Variants in EIF3H observed in about 807,000 individuals in gnomAD.
EIF3H encodes eukaryotic translation initiation factor 3 subunit H.
A neutral mutation model predicts 44.2 loss-of-function variants in EIF3H; 26 were observed. That is an observed-to-expected ratio of 0.59 (90% CI 0.43 to 0.82). The LOEUF (loss-of-function observed/expected upper bound fraction) is 0.82, where lower values mean the gene tolerates loss of function less well. EIF3H is among the 40% of genes least tolerant of loss of function. EIF3H has a pLI of 0.00. For missense variants in EIF3H, 359 were observed against 432.8 expected, an observed-to-expected ratio of 0.83 and a Z score of 1.51; for synonymous variants, 166 against 151.9, an observed-to-expected ratio of 1.09 and a Z score of -0.68.
At chr8:116,689,967 C>T (rs1814145577) in intron 2 of EIF3H, among the ~76,000 whole-genome samples, 1 of 152,120 alleles carries the variant, frequency 6.6e-6, no homozygotes, top group South Asian at 2.1e-4. Flanking sequence ...ATATCTACCC[C>T]TCCCATATAT....
intron 2 of EIF3H, among the ~76,000 whole-genome samples, chr8:116,697,686 G>C (rs902972534): frequency 3.3e-5 from 5 of 151,942 alleles, no homozygotes; most frequent in Admixed American, 6.5e-5. Flanking sequence ...CTTCCCTGAG[G>C]GCCTAAACTT....
Position 116,646,735 on chromosome 8 carries a change from T to C in EIF3H, c.829-132A>G, listed in dbSNP as rs961989180. 3.1e-6 allele frequency: 4 copies of C among 1,270,058 alleles called. No individual in the cohort carries two copies. In the African/African-American group the frequency reaches 6.0e-5, roughly 19 times the overall value. 78.7% of individuals were successfully genotyped at this position (1,270,058 alleles called of 1,614,324 possible). On this transcript the variant is annotated intron_variant, in intron 6 of 7. Transcript: ENST00000521861. Reference sequence around the variant, plus strand: ...ACCTCAGTTTTTATCATTGGCAACATTTGGTAACTTGCGTCTAAGAAGCTA... The same window carrying C: ...ACCTCAGTTTTTATCATTGGCAACACTTGGTAACTTGCGTCTAAGAAGCTA...
intron 1 of EIF3H, among the ~76,000 whole-genome samples, chr8:116,740,198 A>C (rs897439430): frequency 7.9e-5 from 12 of 152,184 alleles, no homozygotes; most frequent in Admixed American, 7.9e-4. Context: ...CCAACTCCCA[A>C]AACTGAGCAT....
At chr8:116,713,931 T>C (rs1479084948) in intron 2 of EIF3H, among the ~76,000 whole-genome samples, 1 of 152,092 alleles carries the variant, frequency 6.6e-6, no homozygotes, top group Non-Finnish European at 1.5e-5. Flanking sequence ...CAAGTATCTA[T>C]TAAGTATTTT....
At chr8:116,741,684 G>A (rs369100629) in intron 1 of EIF3H, among the ~76,000 whole-genome samples, 20 of 152,302 alleles carry the variant, frequency 1.3e-4, no homozygotes, top group Admixed American at 6.5e-4. Context: ...ATCAATCACC[G>A]TCAAAGAACA....
intron 1 of EIF3H, among the ~76,000 whole-genome samples, chr8:116,741,122 T>A (rs1419781203): frequency 1.3e-5 from 2 of 152,160 alleles, no homozygotes; most frequent in African/African-American, 4.8e-5. Flanking sequence ...TTTAGAATTG[T>A]CATATTTCAC....
intron 1 of EIF3H, among the ~76,000 whole-genome samples, chr8:116,765,179 G>T (rs545645833): frequency 1.3e-5 from 2 of 152,280 alleles, no homozygotes; most frequent in Admixed American, 1.3e-4. Context: ...GATTCAAATT[G>T]AAAAGTACTG....
chr8:116,663,923 T>A (rs1213576591), intron 2 of EIF3H, among the ~76,000 whole-genome samples: 1 of 119,398 alleles, frequency 8.4e-6, no homozygotes, highest in Non-Finnish European at 1.6e-5. Context: ...AGAGCGAGAC[T>A]CAGTCTCAAA....
chr8:116,718,538 C>G (rs1814690446), intron 2 of EIF3H, among the ~76,000 whole-genome samples: 1 of 151,952 alleles, frequency 6.6e-6, no homozygotes, highest in Admixed American at 6.6e-5. Context: ...GAATATTATT[C>G]AGCCATAAAA....
chr8:116,675,484 C>A lies in EIF3H; in HGVS notation c.290-16504G>T, dbSNP rs149846478. 2.0e-5 allele frequency among the ~76,000 whole-genome samples: 3 copies of A among 152,326 alleles called. No homozygotes were observed. The East Asian group carries it at 5.8e-4, about 29-fold the overall frequency. Reference sequence around the variant, plus strand: ...CTATCCTCTATATGCCAGTAATGAGCGCACACACACCTCTTCCCAAGTTGT... The same window carrying A: ...CTATCCTCTATATGCCAGTAATGAGAGCACACACACCTCTTCCCAAGTTGT... On this transcript the variant is annotated intron_variant, in intron 2 of 7. Coordinates refer to ENST00000521861, the MANE Select transcript of EIF3H (RefSeq NM_003756.3).
intron 2 of EIF3H, among the ~76,000 whole-genome samples, chr8:116,693,515 T>C (rs1360669314): frequency 4.6e-5 from 7 of 152,224 alleles, no homozygotes; most frequent in Admixed American, 3.9e-4. Context: ...TTATATATTC[T>C]GTCACCATGC....
At chr8:116,683,645 A>G (rs1190169517) in intron 2 of EIF3H, among the ~76,000 whole-genome samples, 2 of 152,218 alleles carry the variant, frequency 1.3e-5, no homozygotes, top group Non-Finnish European at 2.9e-5. Flanking sequence ...ACATAAATTA[A>G]AAGTTTTTAT....
chr8:116,718,093 T>C (rs1248705625), intron 2 of EIF3H, among the ~76,000 whole-genome samples: 1 of 151,496 alleles, frequency 6.6e-6, no homozygotes, highest in Non-Finnish European at 1.5e-5. Flanking sequence ...TGAAAGAGGA[T>C]ATACAAATGG....
intron 2 of EIF3H, 139 bp downstream of exon 2, chr8:116,725,877 T>C: frequency 1.0e-6 from 1 of 988,714 alleles, no homozygotes; most frequent in Non-Finnish European, 1.4e-6. Flanking sequence ...TATATAATTT[T>C]CCCAAAGTAT....
chr8:116,646,349 C>T, intron 7 of EIF3H, 122 bp downstream of exon 7: 1 of 1,416,928 alleles, frequency 7.1e-7, no homozygotes, highest in Non-Finnish European at 9.8e-7. Context: ...TCAAATTCAT[C>T]CTGCAACTAT....
intron 1 of EIF3H, chr8:116,734,251 A>G: frequency 2.2e-6 from 1 of 454,840 alleles, no homozygotes; most frequent in South Asian, 1.6e-5. Flanking sequence ...GAAATGTAAC[A>G]AGGAGGGGCA....
chr8:116,682,655 T>A (rs60311408), intron 2 of EIF3H, among the ~76,000 whole-genome samples: 6,512 of 152,254 alleles, frequency 0.043, 473 homozygotes, highest in African/African-American at 0.15. Flanking sequence ...TCTGTACCTA[T>A]TAAATTTACC....
chr8:116,726,075 T>G lies in EIF3H; in HGVS notation c.230A>C (p.Glu77Ala). 1 of 1,614,130 alleles carries G rather than the reference T, an allele frequency of 6.2e-7. No homozygotes were observed. Among genetic ancestry groups the G allele is most frequent in the Non-Finnish European group, 8.5e-7 (1 of 1,179,996 alleles). ...AGGGAAAGGAAAGCAGTTGGTAATT[T>G]CAAGCCGATCTTCTACAACCAGACC... Reference protein sequence around the residue: ...LLGLVVEDRLEITNCFPFPQH... With the variant: ...LLGLVVEDRLAITNCFPFPQH... Residue 77 changes from glutamate to alanine, a missense_variant, in exon 2 of 8, where the codon GAA becomes GCA. Glu to Ala is a moderately radical substitution (Grantham distance 107, BLOSUM62 -1). Coordinates refer to ENST00000521861, the MANE Select transcript of EIF3H (RefSeq NM_003756.3).
At chr8:116,672,850 C>T (rs904174306) in intron 2 of EIF3H, among the ~76,000 whole-genome samples, 3 of 152,074 alleles carry the variant, frequency 2.0e-5, no homozygotes, top group African/African-American at 7.2e-5. Context: ...CCTCCCAACA[C>T]TTTAAATTTT....
Sources: allele counts gnomAD v4.1 joint callset (sites outside exome capture counted in the v4.1 genomes callset), GRCh38; gene constraint gnomAD v4.1.1; transcripts MANE v1.5; gene names NCBI Gene and HGNC (gene_info 2026-07-23, HGNC 2026-07-21).